Variants in CUBN observed in about 807,000 individuals in gnomAD.
CUBN encodes the protein 460 kDa receptor.
In CUBN, 282 loss-of-function variants were observed where a neutral mutation model predicts 405.3. The ratio of observed to expected loss-of-function variants is 0.70; its 90% CI spans 0.63 to 0.77. The LOEUF is 0.77. CUBN is among the 30% of genes least tolerant of loss of function. The pLI, the probability that CUBN is intolerant of heterozygous loss-of-function variation, is 0.00. For synonymous variants in CUBN, 1,684 were observed against 1,617.0 expected, an observed-to-expected ratio of 1.04 and a Z score of -0.99; for missense variants, 4,514 against 4,475.2, an observed-to-expected ratio of 1.01 and a Z score of -0.25.
chr10:16,907,146 A>G (rs1005317833), intron 49 of CUBN, among the ~76,000 whole-genome samples: 11 of 152,180 alleles, frequency 7.2e-5, no homozygotes, highest in Admixed American at 7.2e-4. Context: ...AGCAAAATTA[A>G]TTACTCTCTG....
chr10:16,955,494 G>A (rs1295859962), intron 31 of CUBN, among the ~76,000 whole-genome samples: 1 of 151,180 alleles, frequency 6.6e-6, no homozygotes, highest in East Asian at 2.0e-4. Flanking sequence ...GGCATGTAAT[G>A]AAATGGAATC....
intron 31 of CUBN, among the ~76,000 whole-genome samples, chr10:16,967,142 T>C (rs1843415180): frequency 6.6e-6 from 1 of 152,176 alleles, no homozygotes; most frequent in African/African-American, 2.4e-5. Context: ...CAGTTTCCTT[T>C]GTCAGTGATT....
chr10:16,882,180 G>A (rs1023911178), intron 56 of CUBN, among the ~76,000 whole-genome samples: 1 of 152,122 alleles, frequency 6.6e-6, no homozygotes, highest in Non-Finnish European at 1.5e-5. Context: ...AGACATATGC[G>A]AACTTGTGAG....
At chr10:17,081,057 A>C (rs1355820345) in intron 17 of CUBN, among the ~76,000 whole-genome samples, 1 of 152,144 alleles carries the variant, frequency 6.6e-6, no homozygotes, top group Non-Finnish European at 1.5e-5. Flanking sequence ...TGTGTTAAAA[A>C]AAAAGAAAGA....
chr10:16,894,713 A>G (rs1305973864), intron 54 of CUBN, among the ~76,000 whole-genome samples: 1 of 152,174 alleles, frequency 6.6e-6, no homozygotes, highest in Non-Finnish European at 1.5e-5. Context: ...TTGTGGAAAA[A>G]GTTGTCTATG....
At chr10:16,934,619 A>G (rs2883972) in intron 39 of CUBN, among the ~76,000 whole-genome samples, 22,181 of 152,208 alleles carry the variant, frequency 0.15, 1,836 homozygotes, top group Non-Finnish European at 0.19. Context: ...CTGTTTGCCA[A>G]ATATTTCCTT....
In CUBN at chr10:17,103,105, G is replaced by T; in HGVS notation, c.1530+20C>A. 1 of 1,365,686 alleles carries T rather than the reference G, an allele frequency of 7.3e-7. No individual in the cohort carries two copies. Among genetic ancestry groups the T allele is most frequent in the Non-Finnish European group, 1.0e-6 (1 of 953,838 alleles). 84.6% of individuals were successfully genotyped at this position (1,365,686 alleles called of 1,614,324 possible). ...ATATACAAATATAATATGCATTTGG[G>T]CAAGAGTTACTACATTTACCTTTCC... On this transcript the variant is annotated intron_variant, in intron 13 of 66. Transcript: ENST00000377833.
intron 14 of CUBN, among the ~76,000 whole-genome samples, chr10:17,096,676 A>G (rs1429289519): frequency 1.3e-5 from 2 of 152,092 alleles, no homozygotes; most frequent in Non-Finnish European, 2.9e-5. Flanking sequence ...TAGGTAGAGG[A>G]CTACATCTAA....
chr10:17,022,554 G>A (rs1834526745), intron 27 of CUBN, among the ~76,000 whole-genome samples: 1 of 152,150 alleles, frequency 6.6e-6, no homozygotes, highest in Non-Finnish European at 1.5e-5. Context: ...AAACGAAACG[G>A]AACAGAAGCT....
chr10:17,110,288 G>T (rs1836741018), intron 9 of CUBN, among the ~76,000 whole-genome samples: 1 of 152,220 alleles, frequency 6.6e-6, no homozygotes, highest in African/African-American at 2.4e-5. Flanking sequence ...ACTCAGGAGT[G>T]CATGATATTA....
rs574081542 is a variant in CUBN, at chr10:16,831,942, C to T, written c.10363-525G>A. ...ATGCAAAGTATAATAAAGTTCAGAA[C>T]GAAAGGAATTTCTGTATGGGCAAAG... On this transcript the variant is annotated intron_variant, in intron 64 of 66. Coordinates refer to ENST00000377833, the MANE Select transcript of CUBN (RefSeq NM_001081.4). Among the ~76,000 whole-genome samples the T allele has an allele frequency of 1.4e-4, 22 of 152,166 alleles. No individual in the cohort carries two copies. The South Asian group carries it at 1.7e-3, about 11-fold the overall frequency.
intron 44 of CUBN, 150 bp from the exon 45 acceptor site, chr10:16,918,950 T>C: frequency 1.3e-6 from 1 of 759,350 alleles, no homozygotes. Context: ...CATGTCACTT[T>C]AAAATGCTGT....
At position 16,874,405 on chromosome 10, in the gene CUBN, T is replaced by C; in HGVS notation, c.9205A>G (p.Thr3069Ala). 6.2e-7 allele frequency: 1 copy of C among 1,614,098 alleles called. No individual in the cohort carries two copies. Among genetic ancestry groups the C allele is most frequent in the Non-Finnish European group, 8.5e-7 (1 of 1,179,968 alleles). ...TCGATCACCTTGTCGTCACTAACGG[T>C]GATGGTATACAGACAGTGCATATCA... ...PNDMHCLYTI[T>A]VSDDKVIELK... The change falls in exon 58 of 67, where the codon ACC (threonine) becomes GCC (alanine). Residue 3069 changes from threonine (T) to alanine (A), a missense_variant. Physicochemically the swap from Thr to Ala is moderately conservative, Grantham distance 58. Around this residue, in one of 5 missense-constraint regions of CUBN, gnomAD observed 1,186 missense variants for 1,186.9 expected, o/e 1.00. Transcript: ENST00000377833.
At chr10:16,831,781 C>A (rs1394789184) in intron 64 of CUBN, among the ~76,000 whole-genome samples, 1 of 152,050 alleles carries the variant, frequency 6.6e-6, no homozygotes, top group Non-Finnish European at 1.5e-5. Flanking sequence ...TGGAGATGGG[C>A]GGGGGCAATG....
chr10:16,840,335 G>C lies in CUBN; in HGVS notation c.10027C>G (p.Pro3343Ala). 1 of 1,613,844 alleles carries C rather than the reference G, an allele frequency of 6.2e-7. No homozygotes were observed. Among genetic ancestry groups the C allele is most frequent in the Non-Finnish European group, 8.5e-7 (1 of 1,179,690 alleles). The stretch of plus-strand genomic sequence containing the variant: ...ATTCATCTTATAATTGTTACCTGCG[G>C]TGAGTCCTGAAGCTGTAAGTAATTC... ...TQNYLQLQDSPQGHGNSRFQF... is the reference protein window; with the variant it reads ...TQNYLQLQDSAQGHGNSRFQF... The change falls in exon 62 of 67, where the codon CCG becomes GCG. Residue 3343 changes from proline to alanine, a missense_variant. Transcript: ENST00000377833.
intron 45 of CUBN, 98 bp downstream of exon 45, chr10:16,918,524 T>TA (rs1181388149): frequency 2.2e-6 from 2 of 912,334 alleles, no homozygotes; most frequent in African/African-American, 3.3e-5. Context: ...GCTGATGAAA[T>TA]AATCTCTACA....
At chr10:16,948,035 C>T (rs1842831393) in intron 35 of CUBN, among the ~76,000 whole-genome samples, 2 of 152,174 alleles carry the variant, frequency 1.3e-5, no homozygotes, top group South Asian at 4.1e-4. Flanking sequence ...ATAGTGAAAC[C>T]TCGTCTCTAC....
chr10:17,091,705 T>C (rs954067652), intron 14 of CUBN, among the ~76,000 whole-genome samples: 1 of 152,178 alleles, frequency 6.6e-6, no homozygotes, highest in African/African-American at 2.4e-5. Context: ...AACTTCATAA[T>C]AGAAAAGCAG....
At chr10:17,107,104 A>T (rs1358888465) in intron 10 of CUBN, among the ~76,000 whole-genome samples, 3 of 152,182 alleles carry the variant, frequency 2.0e-5, no homozygotes, top group Non-Finnish European at 4.4e-5. Context: ...ACATGAATTA[A>T]CATCCACGAT....
Sources: gnomAD v4.1 joint callset for allele counts (sites outside exome capture counted in the v4.1 genomes callset) on GRCh38, gnomAD v4.1.1 for gene constraint, gnomAD v4.1.1 regional missense constraint, MANE v1.5 for transcripts, NCBI Gene and HGNC (gene_info 2026-07-23, HGNC 2026-07-21) for gene names.